ARMH4: variants seen among roughly 807,000 people sequenced by gnomAD.
ARMH4 encodes armadillo like helical domain containing 4.
A neutral mutation model predicts 61.9 loss-of-function variants in ARMH4; 49 were observed. The ratio of observed to expected loss-of-function variants is 0.79; its 90% confidence interval spans 0.63 to 1.00. The LOEUF is 1.00. ARMH4 is among the 50% of genes least tolerant of loss of function. The probability of loss-of-function intolerance (pLI) is 0.00; values close to 1 mark genes in which losing one functional copy is unlikely to be tolerated. For missense variants in ARMH4, 934 were observed against 930.0 expected, an observed-to-expected ratio of 1.00 and a Z score of -0.06; for synonymous variants, 368 against 341.5, an observed-to-expected ratio of 1.08 and a Z score of -0.85.
At chr14:58,109,913 G>A (rs980822019) in intron 4 of ARMH4, among the ~76,000 whole-genome samples, 3 of 152,164 alleles carry the variant, frequency 2.0e-5, no homozygotes, top group African/African-American at 4.8e-5. Flanking sequence ...AAGCAGGCAC[G>A]TTCTTCACAA....
intron 5 of ARMH4, among the ~76,000 whole-genome samples, chr14:58,081,863 T>C (rs1885236671): frequency 6.6e-6 from 1 of 152,112 alleles, no homozygotes; most frequent in African/African-American, 2.4e-5. Context: ...GTAGTCATGT[T>C]GGGATTTTTT....
Position 58,133,170 on chromosome 14 carries a change from G to C in ARMH4, c.1541C>G (p.Ser514Ter). 6.2e-7 allele frequency: 1 copy of C among 1,614,126 alleles called. No homozygotes were observed. The highest frequency in any genetic ancestry group is 8.5e-7 in the Non-Finnish European group (1 of 1,180,026). ...VSDVPGVTQL[S>*]RRWEPLATTI... ...AGTGGCCAGAGGCTCCCATCTTCTT[G>C]ACAGCTGAGTAACACCAGGAACGTC... The change falls in exon 3 of 8, where the codon TCA becomes TGA. Residue 514 changes from serine (S) to a stop codon, truncating the protein, a stop_gained. Coordinates refer to ENST00000267485, the MANE Select transcript of ARMH4 (RefSeq NM_001001872.4). LOFTEE classifies it high-confidence loss of function.
At position 58,040,163 on chromosome 14, in the gene ARMH4, T is replaced by G. The variant is rs74896591; in HGVS notation, c.2090-28013A>C. ...TGGGTTCTTAGCACCCTAAATTGAT[T>G]TTTTTTTTAACTTTTACTTTGGGTT... On this transcript the variant is annotated intron_variant, in intron 5 of 7. Coordinates refer to ENST00000267485, the MANE Select transcript of ARMH4 (RefSeq NM_001001872.4). Among the ~76,000 whole-genome samples the G allele has an allele frequency of 8.6e-3, 1,307 of 151,230 alleles. 18 individuals are homozygous for G. The highest frequency in any genetic ancestry group is 0.029 in the African/African-American group (1,215 of 41,278).
intron 4 of ARMH4, among the ~76,000 whole-genome samples, chr14:58,125,022 A>T (rs1016892516): frequency 6.6e-6 from 1 of 152,192 alleles, no homozygotes; most frequent in Non-Finnish European, 1.5e-5. Flanking sequence ...CCTATTAAAC[A>T]TCAGGAAGTC....
intron 5 of ARMH4, among the ~76,000 whole-genome samples, chr14:58,070,744 G>T (rs1364075696): frequency 2.6e-5 from 4 of 152,160 alleles, no homozygotes; most frequent in Non-Finnish European, 4.4e-5. Context: ...ATTTTAAAAT[G>T]TACGATTAAA....
At chr14:58,007,813 A>C (rs1340751348) in intron 6 of ARMH4, among the ~76,000 whole-genome samples, 3 of 152,220 alleles carry the variant, frequency 2.0e-5, no homozygotes, top group Non-Finnish European at 4.4e-5. Context: ...AATTGCACCA[A>C]TGTATTATTC....
Position 58,133,353 on chromosome 14 carries a change from G to A in ARMH4, c.1370-12C>T, listed in dbSNP as rs964457130. 5.1e-6 allele frequency: 8 copies of A among 1,573,126 alleles called. No homozygotes were observed. The highest frequency in any genetic ancestry group is 2.8e-5 in the African/African-American group (2 of 72,422). On this transcript the variant is annotated splice_polypyrimidine_tract_variant and intron_variant, in intron 2 of 7. Coordinates refer to ENST00000267485, the MANE Select transcript of ARMH4 (RefSeq NM_001001872.4). ...TTGAGTGATGATGTCTTAAAGGGGG[G>A]AAAACATTTAAAAATAGACCAAATC...
rs578097784 is a variant in ARMH4 at position 58,066,714 on chromosome 14, C to G, written c.2089+30010G>C. On this transcript the variant is annotated intron_variant, in intron 5 of 7. Coordinates refer to ENST00000267485, the MANE Select transcript of ARMH4 (RefSeq NM_001001872.4). ...TGTTCGCTTTTCCATGAGGAAAAAC[C>G]AAAAACAGCTGTACTGCATACTACT... 3.9e-5 allele frequency among the ~76,000 whole-genome samples: 6 copies of G among 152,182 alleles called. No individual in the cohort carries two copies. In the East Asian group the frequency reaches 9.6e-4, roughly 24 times the overall value.
At chr14:58,131,820 T>C in intron 3 of ARMH4, 99 bp from the exon 4 acceptor site, 1 of 1,121,638 alleles carries the variant, frequency 8.9e-7, no homozygotes, top group Non-Finnish European at 1.3e-6. Flanking sequence ...ATTAAACCAA[T>C]ATCATACAAT....
intron 5 of ARMH4, among the ~76,000 whole-genome samples, chr14:58,076,757 A>G (rs1199803975): frequency 6.6e-6 from 1 of 152,220 alleles, no homozygotes; most frequent in Non-Finnish European, 1.5e-5. Flanking sequence ...GACTAGGGCC[A>G]CCACCTGATG....
chr14:58,037,182 G>A (rs1257346157), intron 5 of ARMH4, among the ~76,000 whole-genome samples: 1 of 30,236 alleles, frequency 3.3e-5, no homozygotes, highest in Non-Finnish European at 7.2e-5. Flanking sequence ...AAAACAGCAT[G>A]GTACTGGTAC....
chr14:58,045,621 AAAAG>A (rs1439715551), intron 5 of ARMH4, among the ~76,000 whole-genome samples: 2 of 152,102 alleles, frequency 1.3e-5, no homozygotes, highest in African/African-American at 2.4e-5. Flanking sequence ...TAAAAAAAAA[AAAAG>A]AAACACGGTC....
At chr14:58,039,449 T>C (rs187582128) in intron 5 of ARMH4, among the ~76,000 whole-genome samples, 320 of 152,318 alleles carry the variant, frequency 2.1e-3, no homozygotes, top group African/African-American at 7.4e-3. Context: ...TTTGAACACG[T>C]TGCATTTTTA....
chr14:58,051,675 C>T (rs1884146980), intron 5 of ARMH4, among the ~76,000 whole-genome samples: 1 of 152,130 alleles, frequency 6.6e-6, no homozygotes, highest in Admixed American at 6.5e-5. Context: ...CTTTTCATTC[C>T]AGGGCATCGT....
Position 58,074,514 on chromosome 14 carries a change from G to C in ARMH4, c.2089+22210C>G, listed in dbSNP as rs985731638. Among the ~76,000 whole-genome samples, 7 of 148,632 alleles carry C rather than the reference G, an allele frequency of 4.7e-5. No homozygotes were observed. The East Asian group carries it at 1.2e-3, about 25-fold the overall frequency. ...ACATTACTCCATCACTTTAAGTCTA[G>C]ACAATCAACAAAACAGTAAATCAAG... On this transcript the variant is annotated intron_variant, in intron 5 of 7. Coordinates refer to ENST00000267485, the MANE Select transcript of ARMH4 (RefSeq NM_001001872.4).
chr14:58,123,514 G>A (rs1364037127), intron 4 of ARMH4, among the ~76,000 whole-genome samples: 1 of 152,136 alleles, frequency 6.6e-6, no homozygotes, highest in Non-Finnish European at 1.5e-5. Flanking sequence ...AGACAGTGGA[G>A]GTTAGTGCAA....
At chr14:58,020,696 G>C (rs1882793604) in intron 5 of ARMH4, among the ~76,000 whole-genome samples, 1 of 152,302 alleles carries the variant, frequency 6.6e-6, no homozygotes, top group South Asian at 2.1e-4. Context: ...TTCCAACTCA[G>C]TCCTGTGTGC....
chr14:58,030,123 TAGAAGATGGGGTAA>T (rs1883174242), intron 5 of ARMH4, among the ~76,000 whole-genome samples: 1 of 152,202 alleles, frequency 6.6e-6, no homozygotes. Context: ...TGCTAAGGGA[TAGAAGATGGGGTAA>T]AGAAGCTATG....
chr14:58,009,827 A>AAAG (rs1882327422), intron 6 of ARMH4, among the ~76,000 whole-genome samples: 2 of 131,686 alleles, frequency 1.5e-5, no homozygotes, highest in Admixed American at 8.0e-5. Flanking sequence ...AAAAAAAAAA[A>AAAG]AGAGAGAGAG....
Sources: allele counts gnomAD v4.1 joint callset (sites outside exome capture counted in the v4.1 genomes callset), GRCh38; gene constraint gnomAD v4.1.1; transcripts MANE v1.5; gene names NCBI Gene and HGNC (gene_info 2026-07-23, HGNC 2026-07-21).